Variants in MARCHF1 observed in about 807,000 individuals in gnomAD.
MARCHF1 encodes membrane associated ring-CH-type finger 1, also known as E3 ubiquitin-protein ligase MARCHF1.
A neutral mutation model predicts 54.2 loss-of-function variants in MARCHF1; 40 were observed. That is an observed-to-expected ratio of 0.74 (90% confidence interval 0.57 to 0.96). MARCHF1 has a LOEUF of 0.96. Ranked by LOEUF, MARCHF1 falls within the 40% of genes least tolerant of loss-of-function variation. The pLI is 0.00. For missense variants in MARCHF1, 586 were observed against 656.5 expected, an observed-to-expected ratio of 0.89 and a Z score of 1.17; for synonymous variants, 236 against 236.3, an observed-to-expected ratio of 1.00 and a Z score of 0.01.
intron 1 of MARCHF1, among the ~76,000 whole-genome samples, chr4:164,327,675 A>G (rs1013391174): frequency 6.6e-6 from 1 of 152,226 alleles, no homozygotes; most frequent in Non-Finnish European, 1.5e-5. Flanking sequence ...ACAGTAATTC[A>G]GGAAGAACAT....
intron 1 of MARCHF1, among the ~76,000 whole-genome samples, chr4:164,257,948 C>T (rs1378888379): frequency 6.6e-6 from 1 of 152,180 alleles, no homozygotes; most frequent in Non-Finnish European, 1.5e-5. Context: ...AAGACACATG[C>T]ACACGTATGT....
At chr4:164,038,479 C>A (rs1754058670) in intron 2 of MARCHF1, among the ~76,000 whole-genome samples, 1 of 152,012 alleles carries the variant, frequency 6.6e-6, no homozygotes, top group Non-Finnish European at 1.5e-5. Flanking sequence ...GGCGACAGAG[C>A]CAGACTCTGT....
chr4:163,684,829 T>G (rs1339857037), intron 5 of MARCHF1, among the ~76,000 whole-genome samples: 2 of 152,226 alleles, frequency 1.3e-5, no homozygotes, highest in African/African-American at 4.8e-5. Flanking sequence ...GCAGTAAACA[T>G]CAGTATATCC....
At chr4:164,323,597 CAA>C (rs70952622) in intron 1 of MARCHF1, among the ~76,000 whole-genome samples, 714 of 30,602 alleles carry the variant, frequency 0.023, no homozygotes, top group South Asian at 0.071. Context: ...GGATGAGTAG[CAA>C]AAAAAAAAAA....
At chr4:163,889,828 T>C (rs1579368826) in intron 3 of MARCHF1, among the ~76,000 whole-genome samples, 1 of 150,394 alleles carries the variant, frequency 6.6e-6, no homozygotes, top group East Asian at 1.9e-4. Context: ...TCCCAAGTGA[T>C]TACTGCCAAA....
intron 1 of MARCHF1, among the ~76,000 whole-genome samples, chr4:164,145,557 A>G (rs560119673): frequency 4.4e-4 from 67 of 152,298 alleles, no homozygotes; most frequent in Middle Eastern, 3.4e-3. Flanking sequence ...TATAAACAGA[A>G]GCAAAGACAA....
At chr4:164,367,019 G>A (rs557724663) in intron 1 of MARCHF1, among the ~76,000 whole-genome samples, 2 of 151,906 alleles carry the variant, frequency 1.3e-5, no homozygotes, top group South Asian at 4.2e-4. Flanking sequence ...ATTCTTTTAG[G>A]TACAGTCTAG....
chr4:163,688,786 T>A (rs1331098912), intron 5 of MARCHF1, among the ~76,000 whole-genome samples: 2 of 152,178 alleles, frequency 1.3e-5, no homozygotes, highest in African/African-American at 4.8e-5. Flanking sequence ...TCCAAAATCC[T>A]AGAAAACTAT....
chr4:164,003,918 A>C (rs1364094959), intron 2 of MARCHF1, among the ~76,000 whole-genome samples: 1 of 152,136 alleles, frequency 6.6e-6, no homozygotes, highest in Non-Finnish European at 1.5e-5. Flanking sequence ...TGGATGAAGA[A>C]AACGTGGTAT....
intron 2 of MARCHF1, among the ~76,000 whole-genome samples, chr4:164,085,742 T>C (rs1755180063): frequency 1.3e-5 from 2 of 151,882 alleles, no homozygotes; most frequent in African/African-American, 4.8e-5. Flanking sequence ...TTGATAATCA[T>C]TGTAATGGTT....
chr4:164,140,210 C>T (rs1756495153), intron 1 of MARCHF1, among the ~76,000 whole-genome samples: 1 of 141,200 alleles, frequency 7.1e-6, no homozygotes, highest in African/African-American at 2.6e-5. Flanking sequence ...CATATATACA[C>T]ACACACTATA....
chr4:163,696,568 C>A (rs1744640966), intron 5 of MARCHF1, among the ~76,000 whole-genome samples: 1 of 152,100 alleles, frequency 6.6e-6, no homozygotes, highest in African/African-American at 2.4e-5. Context: ...GACAGTCTCA[C>A]ATAGATTGAG....
chr4:164,294,979 G>C lies in MARCHF1; in HGVS notation c.-323+88891C>G, dbSNP rs144337625. Among the ~76,000 whole-genome samples the C allele has an allele frequency of 1.7e-3, 266 of 152,180 alleles. 1 individual carries two copies. The highest frequency in any genetic ancestry group is 6.3e-3 in the African/African-American group (262 of 41,534). ...ACTTCTACCTAGGGTCTCTGGCTGG[G>C]CCTGAGAATTAATTTGGCATAGGTA... is the stretch of plus-strand genomic sequence containing the variant. On this transcript the variant is annotated intron_variant, in intron 1 of 9. Coordinates refer to ENST00000514618, the MANE Select transcript of MARCHF1 (RefSeq NM_001394959.1).
intron 3 of MARCHF1, among the ~76,000 whole-genome samples, chr4:163,956,634 G>A (rs1210924829): frequency 1.3e-5 from 2 of 152,078 alleles, no homozygotes; most frequent in African/African-American, 4.8e-5. Flanking sequence ...ATGCAAAATT[G>A]TAATATGAAG....
At chr4:163,700,528 AGAAGGAAGGAAGGAAGGAAGGAAG>A (rs57173687) in intron 5 of MARCHF1, among the ~76,000 whole-genome samples, 26 of 114,570 alleles carry the variant, frequency 2.3e-4, no homozygotes, top group Admixed American at 7.7e-4. Flanking sequence ...AAAGAAAGAA[AGAAGGAAGGAAGGAAGGAAGGAAG>A]GAAGGAAGGA....
intron 1 of MARCHF1, among the ~76,000 whole-genome samples, chr4:164,289,758 A>T (rs1734243029): frequency 6.6e-6 from 1 of 151,920 alleles, no homozygotes; most frequent in African/African-American, 2.4e-5. Flanking sequence ...AATGACTTTT[A>T]AAAAATCTGA....
intron 4 of MARCHF1, among the ~76,000 whole-genome samples, chr4:163,772,280 G>A (rs1034235107): frequency 6.6e-6 from 1 of 152,132 alleles, no homozygotes; most frequent in African/African-American, 2.4e-5. Context: ...ATAATGTAAT[G>A]GAAAAGATTC....
intron 4 of MARCHF1, among the ~76,000 whole-genome samples, chr4:163,741,226 A>T (rs1487794413): frequency 1.3e-5 from 2 of 152,154 alleles, no homozygotes; most frequent in East Asian, 3.8e-4. Flanking sequence ...TGTTACCCCA[A>T]TTATGTTTTT....
chr4:163,960,839 A>G (rs552688349), intron 3 of MARCHF1, among the ~76,000 whole-genome samples: 3 of 151,184 alleles, frequency 2.0e-5, no homozygotes, highest in South Asian at 4.2e-4. Flanking sequence ...CAGACTGGGT[A>G]TCTTAAATAA....
Sources: gnomAD v4.1 joint callset for allele counts (sites outside exome capture counted in the v4.1 genomes callset) on GRCh38, gnomAD v4.1.1 for gene constraint, MANE v1.5 for transcripts, NCBI Gene and HGNC (gene_info 2026-07-23, HGNC 2026-07-21) for gene names.